The following GPC5 variants were observed in gnomAD, a reference collection of about 807,000 sequenced individuals.
The protein encoded by GPC5 is glypican-5.
GPC5 carries 47 observed loss-of-function variants against 53.9 expected under a neutral mutation model. The ratio of observed to expected loss-of-function variants is 0.87; its 90% CI spans 0.69 to 1.11. The LOEUF (loss-of-function observed/expected upper bound fraction) is 1.11. GPC5 is among the 50% of genes most tolerant of loss of function. The pLI is 0.00. For missense variants in GPC5, 748 were observed against 713.1 expected (o/e 1.05, Z -0.56); for synonymous variants, 286 against 263.3 (o/e 1.09, Z -0.84).
In GPC5 at chr13:91,612,949, C is replaced by T. The variant is rs189210718; in HGVS notation, c.326-80238C>T. On this transcript the variant is annotated intron_variant, in intron 2 of 7. Transcript: ENST00000377067. ...TACAAGGCAAAGGGGCAAGTCCTGT[C>T]GCACACATTAGGCTATGGATTCATA... Among the ~76,000 whole-genome samples, 66 of 152,252 alleles carry T rather than the reference C, an allele frequency of 4.3e-4. No homozygotes were observed. The East Asian group carries it at 7.9e-3, about 18-fold the overall frequency.
At chr13:92,529,120 A>G (rs923268894) in intron 7 of GPC5, among the ~76,000 whole-genome samples, 17 of 152,298 alleles carry the variant, frequency 1.1e-4, no homozygotes, top group African/African-American at 4.1e-4. Flanking sequence ...ATAAAAAAAC[A>G]AGAGTTCAAA....
At chr13:92,290,979 G>A (rs2042990668) in intron 7 of GPC5, among the ~76,000 whole-genome samples, 1 of 152,130 alleles carries the variant, frequency 6.6e-6, no homozygotes, top group African/African-American at 2.4e-5. Flanking sequence ...CCCCACTCTT[G>A]GAAGGGCCTG....
At chr13:91,828,269 C>T (rs2038604334) in intron 5 of GPC5, among the ~76,000 whole-genome samples, 1 of 151,774 alleles carries the variant, frequency 6.6e-6, no homozygotes, top group East Asian at 1.9e-4. Flanking sequence ...TGCATTTCAC[C>T]CTATGTCACT....
At chr13:92,528,838 A>G (rs1223653901) in intron 7 of GPC5, among the ~76,000 whole-genome samples, 2 of 151,954 alleles carry the variant, frequency 1.3e-5, no homozygotes, top group Admixed American at 1.3e-4. Context: ...ATTTTATAAA[A>G]TTTTTATAAA....
intron 7 of GPC5, among the ~76,000 whole-genome samples, chr13:92,366,325 G>A (rs910469716): frequency 3.3e-5 from 5 of 151,600 alleles, no homozygotes; most frequent in Admixed American, 1.3e-4. Flanking sequence ...GGTCTTGCCC[G>A]GTTCTCTCAT....
intron 2 of GPC5, among the ~76,000 whole-genome samples, chr13:91,566,063 C>T (rs755279458): frequency 1.3e-5 from 2 of 152,060 alleles, no homozygotes; most frequent in Non-Finnish European, 2.9e-5. Flanking sequence ...AGCATCATCT[C>T]GTCTCAAGAT....
At chr13:92,189,414 G>A (rs1419824942) in intron 7 of GPC5, among the ~76,000 whole-genome samples, 2 of 152,034 alleles carry the variant, frequency 1.3e-5, no homozygotes, top group East Asian at 3.9e-4. Flanking sequence ...ACCTTAGTTG[G>A]GGACAATGAG....
At chr13:91,400,955 G>A (rs1057078956) in intron 1 of GPC5, among the ~76,000 whole-genome samples, 4 of 152,146 alleles carry the variant, frequency 2.6e-5, no homozygotes, top group Non-Finnish European at 5.9e-5. Context: ...TGACGACAAG[G>A]AATCTTTCTT....
chr13:91,903,051 T>A (rs2039515307), intron 5 of GPC5, among the ~76,000 whole-genome samples: 1 of 150,776 alleles, frequency 6.6e-6, no homozygotes, highest in Admixed American at 6.6e-5. Flanking sequence ...TTTAACAAAC[T>A]TAGCACTTCT....
At chr13:92,485,355 C>T (rs1566611372) in intron 7 of GPC5, among the ~76,000 whole-genome samples, 1 of 152,008 alleles carries the variant, frequency 6.6e-6, no homozygotes, top group Non-Finnish European at 1.5e-5. Context: ...GTGCTAGTTG[C>T]CAGACTCCAA....
intron 7 of GPC5, among the ~76,000 whole-genome samples, chr13:92,412,982 A>T (rs938108572): frequency 6.6e-6 from 1 of 152,212 alleles, no homozygotes; most frequent in African/African-American, 2.4e-5. Context: ...ATAAATGCAG[A>T]ATTTAAAATA....
intron 6 of GPC5, among the ~76,000 whole-genome samples, chr13:91,980,046 T>C (rs755022499): frequency 3.9e-5 from 6 of 152,178 alleles, no homozygotes; most frequent in Non-Finnish European, 2.9e-5. Flanking sequence ...AAAAGAATAC[T>C]ATAGGCCCAG....
At chr13:91,974,106 C>A (rs949424201) in intron 6 of GPC5, among the ~76,000 whole-genome samples, 2 of 152,190 alleles carry the variant, frequency 1.3e-5, no homozygotes, top group African/African-American at 4.8e-5. Flanking sequence ...GGCAGGCAGG[C>A]CTCCTTGAGC....
chr13:92,841,119 C>T (rs1298098188), intron 7 of GPC5, among the ~76,000 whole-genome samples: 3 of 152,060 alleles, frequency 2.0e-5, no homozygotes, highest in Non-Finnish European at 4.4e-5. Context: ...CAATTCTCTG[C>T]CTCCTCAAAT....
intron 7 of GPC5, among the ~76,000 whole-genome samples, chr13:92,377,741 TTGA>T (rs1417942499): frequency 1.3e-5 from 2 of 152,220 alleles, no homozygotes; most frequent in Non-Finnish European, 2.9e-5. Flanking sequence ...TTGTTTTCTT[TTGA>T]TGATTAATAA....
chr13:92,341,802 G>A (rs184772045), intron 7 of GPC5, among the ~76,000 whole-genome samples: 12 of 152,072 alleles, frequency 7.9e-5, no homozygotes, highest in South Asian at 2.1e-4. Context: ...TATAAAAAAC[G>A]TAGTATAGTC....
chr13:92,139,572 C>T (rs766568593), intron 6 of GPC5, among the ~76,000 whole-genome samples: 3 of 145,878 alleles, frequency 2.1e-5, no homozygotes, highest in Non-Finnish European at 3.0e-5. Flanking sequence ...GAGGCTTAGG[C>T]AGGACAATTG....
At chr13:92,265,371 T>TC (rs1309575115) in intron 7 of GPC5, among the ~76,000 whole-genome samples, 2 of 152,166 alleles carry the variant, frequency 1.3e-5, no homozygotes, top group African/African-American at 2.4e-5. Context: ...AGTTCATCAC[T>TC]CTTAAATTCT....
intron 7 of GPC5, among the ~76,000 whole-genome samples, chr13:92,670,148 C>T (rs576626526): frequency 5.3e-5 from 8 of 152,130 alleles, no homozygotes; most frequent in South Asian, 2.1e-4. Context: ...GGCTGTTGTA[C>T]GCATGTGTGA....
Sources: gnomAD v4.1 joint callset for allele counts (sites outside exome capture counted in the v4.1 genomes callset) on GRCh38, gnomAD v4.1.1 for gene constraint, MANE v1.5 for transcripts, NCBI Gene and HGNC (gene_info 2026-07-23, HGNC 2026-07-21) for gene names.